The following VTCN1 variants were observed in gnomAD, a reference collection of about 807,000 sequenced individuals.
VTCN1 encodes the protein V-set domain containing T cell activation inhibitor 1.
Under a neutral mutation model 26.5 loss-of-function variants are expected in VTCN1, and 26 were observed. That is an observed-to-expected ratio of 0.98 (90% CI 0.72 to 1.36). The LOEUF (loss-of-function observed/expected upper bound fraction) is 1.36. VTCN1 is among the 40% of genes most tolerant of loss of function. The pLI is 0.00. For synonymous variants in VTCN1, 116 were observed against 130.7 expected (o/e 0.89, Z 0.77); for missense variants, 298 against 337.7 (o/e 0.88, Z 0.92).
At chr1:117,174,088 GA>G in intron 1 of VTCN1, among the ~76,000 whole-genome samples, 1 of 152,174 alleles carries the variant, frequency 6.6e-6, no homozygotes, top group Middle Eastern at 3.4e-3. Flanking sequence ...TTAGAAAGAT[GA>G]AAAAAATATT....
intron 1 of VTCN1, among the ~76,000 whole-genome samples, chr1:117,208,175 T>A (rs552194088): frequency 6.6e-6 from 1 of 152,230 alleles, no homozygotes; most frequent in Non-Finnish European, 1.5e-5. Context: ...TCTCCCAGCA[T>A]TTCCTGCCTC....
chr1:117,186,035 C>G (rs991601527), intron 1 of VTCN1, among the ~76,000 whole-genome samples: 9 of 152,200 alleles, frequency 5.9e-5, no homozygotes, highest in African/African-American at 1.7e-4. Flanking sequence ...TGATTAAGAC[C>G]TGTCTCAGAT....
intron 1 of VTCN1, among the ~76,000 whole-genome samples, chr1:117,192,596 A>G (rs568228720): frequency 6.6e-6 from 1 of 152,312 alleles, no homozygotes; most frequent in East Asian, 1.9e-4. Context: ...TAATTTCTTA[A>G]TGGGTATACA....
chr1:117,203,388 T>C (rs893731978), intron 1 of VTCN1, among the ~76,000 whole-genome samples: 1 of 152,128 alleles, frequency 6.6e-6, no homozygotes, highest in African/African-American at 2.4e-5. Flanking sequence ...ATTTTATGGA[T>C]GCACTGTCTG....
chr1:117,177,374 C>G (rs2101543728), intron 1 of VTCN1, among the ~76,000 whole-genome samples: 1 of 152,240 alleles, frequency 6.6e-6, no homozygotes, highest in South Asian at 2.1e-4. Context: ...CTACCCCTCT[C>G]CCTGTATCTC....
At chr1:117,201,982 C>G (rs139968874) in intron 1 of VTCN1, among the ~76,000 whole-genome samples, 94 of 152,308 alleles carry the variant, frequency 6.2e-4, no homozygotes, top group African/African-American at 2.1e-3. Context: ...GGCTTTCCAC[C>G]AGGACCTGTC....
chr1:117,153,454 T>G, intron 3 of VTCN1, 85 bp from the exon 4 acceptor site: 1 of 1,397,806 alleles, frequency 7.2e-7, no homozygotes, highest in Non-Finnish European at 9.5e-7. Context: ...GCCTTAAAAA[T>G]GCAGTCATTT....
At chr1:117,196,042 C>T (rs1648490983) in intron 1 of VTCN1, among the ~76,000 whole-genome samples, 1 of 152,054 alleles carries the variant, frequency 6.6e-6, no homozygotes, top group African/African-American at 2.4e-5. Context: ...GTCCCAGCTA[C>T]TTGGAAGGGT....
rs1246929010 is a variant in VTCN1, at chr1:117,146,220, A to G, written c.*46-995T>C. ...GTGTTGTGGGGAATCAAGGAAAGAAAAAAGTGCTTTTCACTCTACTAGTGA... is the reference window on the plus strand; with the variant it reads ...GTGTTGTGGGGAATCAAGGAAAGAAGAAAGTGCTTTTCACTCTACTAGTGA... On this transcript the variant is annotated intron_variant, in intron 5 of 5. Coordinates refer to ENST00000369458, the MANE Select transcript of VTCN1 (RefSeq NM_024626.4). The surrounding 1 kb of genome is among the most constrained non-coding windows in gnomAD (Gnocchi z 4.2). Among the ~76,000 whole-genome samples the G allele has an allele frequency of 6.6e-6, 1 of 151,558 alleles. No individual in the cohort carries two copies. The highest frequency in any genetic ancestry group is 1.5e-5 in the Non-Finnish European group (1 of 67,714).
At chr1:117,148,469 A>T (rs928897254) in intron 4 of VTCN1, among the ~76,000 whole-genome samples, 1 of 152,224 alleles carries the variant, frequency 6.6e-6, no homozygotes, top group Non-Finnish European at 1.5e-5. Flanking sequence ...TAAGCACTCC[A>T]TAAGTACTGG....
chr1:117,151,697 C>T (rs1033980956), intron 4 of VTCN1, among the ~76,000 whole-genome samples: 5 of 152,142 alleles, frequency 3.3e-5, no homozygotes, highest in African/African-American at 1.2e-4. Context: ...CTCCAAGTCC[C>T]CACTCGACCC....
intron 1 of VTCN1, among the ~76,000 whole-genome samples, chr1:117,184,903 G>A (rs1376126764): frequency 1.3e-5 from 2 of 152,176 alleles, no homozygotes; most frequent in African/African-American, 2.4e-5. Flanking sequence ...GTTAGGGACT[G>A]AGAATCCTCC....
rs910292491 is a variant in VTCN1 at position 117,175,185 on chromosome 1, C to T, written c.33-5014G>A. On this transcript the variant is annotated intron_variant, in intron 1 of 5. Coordinates refer to ENST00000369458, the MANE Select transcript of VTCN1 (RefSeq NM_024626.4). The surrounding 1 kb of genome is among the most constrained non-coding windows in gnomAD (Gnocchi z 4.2). ...TCACATTCACAATAAAGGTAACAGG[C>T]CTTATGGGGGAAAATAGGCTTAAAG... Among the ~76,000 whole-genome samples, 1 of 152,152 alleles carries T rather than the reference C, an allele frequency of 6.6e-6. No homozygotes were observed. The highest frequency in any genetic ancestry group is 1.5e-5 in the Non-Finnish European group (1 of 68,028).
intron 1 of VTCN1, among the ~76,000 whole-genome samples, chr1:117,181,446 T>C (rs1247003958): frequency 6.6e-6 from 1 of 152,178 alleles, no homozygotes; most frequent in Non-Finnish European, 1.5e-5. Context: ...CCTTCTCCCT[T>C]TAGGAATCCC....
intron 4 of VTCN1, among the ~76,000 whole-genome samples, chr1:117,149,481 T>G (rs745999504): frequency 3.3e-5 from 5 of 152,122 alleles, no homozygotes; most frequent in Non-Finnish European, 7.4e-5. Context: ...CAGTTAATAC[T>G]CTCATAATTT....
chr1:117,173,235 C>G lies in VTCN1; in HGVS notation c.33-3064G>C, dbSNP rs751588825. The G allele has an allele frequency of 3.5e-5, 25 of 711,056 alleles. No individual in the cohort carries two copies. In the South Asian group the frequency reaches 3.7e-4, roughly 11 times the overall value. The allele number at this position is 711,056 out of a possible 1,614,324, so 44.0% of individuals were successfully genotyped here. A position where few individuals can be genotyped will look rare whatever the true frequency, so the allele number is the denominator to read the frequency against. Reference sequence around the variant, plus strand: ...TGAAGTCAGCAAGACCATGAACCCACCAGAAGGAATAAATTCCGGACACAA... The same window carrying G: ...TGAAGTCAGCAAGACCATGAACCCAGCAGAAGGAATAAATTCCGGACACAA... On this transcript the variant is annotated intron_variant, in intron 1 of 5. Transcript: ENST00000369458.
At chr1:117,196,049 G>T (rs1648491295) in intron 1 of VTCN1, among the ~76,000 whole-genome samples, 1 of 152,188 alleles carries the variant, frequency 6.6e-6, no homozygotes, top group Non-Finnish European at 1.5e-5. Flanking sequence ...CTACTTGGAA[G>T]GGTGAAGTGG....
chr1:117,151,613 G>T (rs1385699574), intron 4 of VTCN1, among the ~76,000 whole-genome samples: 1 of 152,038 alleles, frequency 6.6e-6, no homozygotes, highest in Admixed American at 6.6e-5. Flanking sequence ...GTGCTGATTG[G>T]TGCATTTACA....
chr1:117,186,881 T>G (rs538986869), intron 1 of VTCN1, among the ~76,000 whole-genome samples: 144 of 150,084 alleles, frequency 9.6e-4, no homozygotes, highest in African/African-American at 3.4e-3. Flanking sequence ...ACAGTGTTAT[T>G]CAGGCCCCAG....
Sources: allele counts gnomAD v4.1 joint callset (sites outside exome capture counted in the v4.1 genomes callset), GRCh38; gene constraint gnomAD v4.1.1; non-coding constraint Gnocchi (gnomAD v3.1); transcripts MANE v1.5; gene names NCBI Gene and HGNC (gene_info 2026-07-23, HGNC 2026-07-21).